The following SHROOM3 variants were observed in gnomAD, a reference collection of about 807,000 sequenced individuals.
SHROOM3 encodes shroom family member 3.
SHROOM3 carries 47 observed loss-of-function variants against 138.6 expected under a neutral mutation model. That is an observed-to-expected ratio of 0.34 (90% CI 0.27 to 0.43). The LOEUF is 0.43. Among genes scored for constraint, SHROOM3 ranks in the 20% least tolerant of loss-of-function variants. The probability of loss-of-function intolerance (pLI) is 1.00; values close to 1 mark genes in which losing one functional copy is unlikely to be tolerated. For missense variants in SHROOM3, 2,491 were observed against 2,596.5 expected (o/e 0.96, Z 0.88); for synonymous variants, 1,062 against 1,063.3 (o/e 1.00, Z 0.02).
chr4:76,604,304 G>A (rs1734572106), intron 2 of SHROOM3, among the ~76,000 whole-genome samples: 1 of 152,142 alleles, frequency 6.6e-6, no homozygotes, highest in Non-Finnish European at 1.5e-5. Context: ...AATATGGTCT[G>A]GCTATATTTA....
intron 2 of SHROOM3, among the ~76,000 whole-genome samples, chr4:76,653,384 C>T (rs570197986): frequency 1.3e-5 from 2 of 151,850 alleles, no homozygotes; most frequent in East Asian, 3.9e-4. Context: ...AGCATAGCAC[C>T]TTCCCCCAAT....
chr4:76,492,276 G>A (rs1731869607), intron 1 of SHROOM3, among the ~76,000 whole-genome samples: 1 of 152,202 alleles, frequency 6.6e-6, no homozygotes, highest in Non-Finnish European at 1.5e-5. Context: ...GTTTAGCTCA[G>A]TGATGGATGT....
intron 1 of SHROOM3, among the ~76,000 whole-genome samples, chr4:76,493,259 C>T (rs1731894852): frequency 6.8e-6 from 1 of 146,544 alleles, no homozygotes; most frequent in Non-Finnish European, 1.5e-5. Flanking sequence ...TGCCTAGTTA[C>T]ATTTGAATTT....
At position 76,630,357 on chromosome 4, in the gene SHROOM3, G is replaced by A. The variant is rs546177611; in HGVS notation, c.323+74594G>A. 7.2e-5 allele frequency among the ~76,000 whole-genome samples: 11 copies of A among 152,312 alleles called. No homozygotes were observed. In the South Asian group the frequency reaches 1.7e-3, roughly 23 times the overall value. On this transcript the variant is annotated intron_variant, in intron 2 of 10. Coordinates refer to ENST00000296043, the MANE Select transcript of SHROOM3 (RefSeq NM_020859.4). Reference sequence around the variant, plus strand: ...CTTCATTAGATGGAGCAGGAAAGGTGATAACAGAGAGGTAAAGTCAGAGGT... The same window carrying A: ...CTTCATTAGATGGAGCAGGAAAGGTAATAACAGAGAGGTAAAGTCAGAGGT...
intron 2 of SHROOM3, among the ~76,000 whole-genome samples, chr4:76,583,674 C>T (rs1325883970): frequency 2.6e-5 from 4 of 152,102 alleles, no homozygotes; most frequent in Non-Finnish European, 5.9e-5. Flanking sequence ...GTAAAATGTT[C>T]AACAAGTTAC....
At chr4:76,458,056 G>C (rs1388208940) in intron 1 of SHROOM3, among the ~76,000 whole-genome samples, 8 of 152,276 alleles carry the variant, frequency 5.3e-5, no homozygotes, top group Middle Eastern at 6.8e-3. Flanking sequence ...GCCTCCCCAG[G>C]TGCTGGGATT....
At chr4:76,445,731 A>G (rs1730791712) in intron 1 of SHROOM3, among the ~76,000 whole-genome samples, 1 of 152,088 alleles carries the variant, frequency 6.6e-6, no homozygotes, top group African/African-American at 2.4e-5. Context: ...GATCGCACCA[A>G]GAGTCTTTCT....
intron 2 of SHROOM3, among the ~76,000 whole-genome samples, chr4:76,709,558 G>C (rs1577987885): frequency 6.6e-6 from 1 of 152,168 alleles, no homozygotes; most frequent in African/African-American, 2.4e-5. Flanking sequence ...ATGGTGTTAG[G>C]GACTGGGGGT....
chr4:76,750,555 T>C (rs1721587147), intron 6 of SHROOM3, among the ~76,000 whole-genome samples: 2 of 152,162 alleles, frequency 1.3e-5, no homozygotes, highest in Admixed American at 6.6e-5. Flanking sequence ...AAAAACTACC[T>C]ATCAGGTACT....
At chr4:76,590,344 C>T (rs1325225357) in intron 2 of SHROOM3, among the ~76,000 whole-genome samples, 6 of 152,046 alleles carry the variant, frequency 3.9e-5, no homozygotes, top group African/African-American at 1.2e-4. Context: ...GCGGGTGAGC[C>T]GTCTGAAGGT....
intron 2 of SHROOM3, among the ~76,000 whole-genome samples, chr4:76,709,120 T>C (rs1379826511): frequency 6.6e-6 from 1 of 152,196 alleles, no homozygotes; most frequent in Non-Finnish European, 1.5e-5. Context: ...CTCTTTCACT[T>C]CCGTTCTGTG....
At chr4:76,645,369 C>G (rs544225427) in intron 2 of SHROOM3, 2 of 152,158 alleles carry the variant, frequency 1.3e-5, no homozygotes, top group Admixed American at 6.5e-5. Flanking sequence ...TCCTAGGACT[C>G]GAACCTCATT....
At chr4:76,475,281 T>C (rs560360971) in intron 1 of SHROOM3, among the ~76,000 whole-genome samples, 1 of 152,176 alleles carries the variant, frequency 6.6e-6, no homozygotes, top group African/African-American at 2.4e-5. Flanking sequence ...TATTTCTGAT[T>C]TGGAGAACTG....
chr4:76,650,602 C>T (rs1018153619), intron 2 of SHROOM3, among the ~76,000 whole-genome samples: 3 of 151,580 alleles, frequency 2.0e-5, no homozygotes, highest in Non-Finnish European at 2.9e-5. Flanking sequence ...TGGAGTGCAG[C>T]GGTACGATCT....
intron 2 of SHROOM3, among the ~76,000 whole-genome samples, chr4:76,651,406 AT>A (rs1735957599): frequency 2.7e-4 from 4 of 14,684 alleles, no homozygotes; most frequent in African/African-American, 1.5e-3. Flanking sequence ...CCATAAATAT[AT>A]ATATATATAT....
At chr4:76,737,587 A>AT (rs1721112466) in intron 4 of SHROOM3, among the ~76,000 whole-genome samples, 2 of 152,124 alleles carry the variant, frequency 1.3e-5, no homozygotes, top group Non-Finnish European at 2.9e-5. Flanking sequence ...CCTCACCAGC[A>AT]TTTGGTATTG....
At chr4:76,585,530 G>A (rs553012577) in intron 2 of SHROOM3, among the ~76,000 whole-genome samples, 1 of 152,056 alleles carries the variant, frequency 6.6e-6, no homozygotes, top group African/African-American at 2.4e-5. Context: ...GAAGGATTGC[G>A]GTTTCAGGGC....
chr4:76,610,728 C>T (rs543909747), intron 2 of SHROOM3, among the ~76,000 whole-genome samples: 61 of 152,268 alleles, frequency 4.0e-4, no homozygotes, highest in African/African-American at 1.4e-3. Flanking sequence ...TGTTGGCATC[C>T]GTGTAGAGGG....
At chr4:76,565,160 C>CAAAAAAAAAAA (rs1166896258) in intron 2 of SHROOM3, among the ~76,000 whole-genome samples, 11 of 135,926 alleles carry the variant, frequency 8.1e-5, no homozygotes, top group African/African-American at 3.1e-4. Context: ...GACTCCATTT[C>CAAAAAAAAAAA]AAAAAAAAAA....
Sources: allele counts gnomAD v4.1 joint callset (sites outside exome capture counted in the v4.1 genomes callset), GRCh38; gene constraint gnomAD v4.1.1; transcripts MANE v1.5; gene names NCBI Gene and HGNC (gene_info 2026-07-23, HGNC 2026-07-21).